Variants in TMEM120A observed in about 807,000 individuals in gnomAD.
TMEM120A encodes transmembrane protein 120A.
TMEM120A carries 45 observed loss-of-function variants against 54.3 expected under a neutral mutation model. The ratio of observed to expected loss-of-function variants is 0.83; its 90% CI spans 0.65 to 1.06. The LOEUF is 1.06. Ranked by LOEUF, TMEM120A falls within the 50% of genes least tolerant of loss-of-function variation. The pLI, the probability that TMEM120A is intolerant of heterozygous loss-of-function variation, is 0.00. For synonymous variants in TMEM120A, 204 were observed against 178.5 expected (o/e 1.14, Z -1.14); for missense variants, 424 against 441.7 (o/e 0.96, Z 0.36).
chr7:75,989,658 C>T (rs2116664785), intron 3 of TMEM120A, among the ~76,000 whole-genome samples: 1 of 152,062 alleles, frequency 6.6e-6, no homozygotes, highest in South Asian at 2.1e-4. Context: ...ACACGCCTGG[C>T]CACATCTAGG....
chr7:75,987,855 G>A (rs781942881), intron 8 of TMEM120A, 45 bp from the exon 9 acceptor site: 2 of 1,601,656 alleles, frequency 1.2e-6, no homozygotes, highest in South Asian at 2.2e-5. Flanking sequence ...GCCCCGGGAG[G>A]GGTTCCCTGC....
At position 75,987,619 on chromosome 7, in the gene TMEM120A, C is replaced by CA; in HGVS notation, c.785-18dup. On this transcript the variant is annotated splice_polypyrimidine_tract_variant and intron_variant, in intron 9 of 11. Coordinates refer to ENST00000493111, the MANE Select transcript of TMEM120A (RefSeq NM_031925.3). ...GGAAGCCCTCTGCGGGGAGGAAGGTCAGGGCACAGGACGGCCAGGGACAGA... is the reference window on the plus strand; with the variant it reads ...GGAAGCCCTCTGCGGGGAGGAAGGTCAAGGGCACAGGACGGCCAGGGACAGA... 6.2e-7 allele frequency: 1 copy of CA among 1,606,928 alleles called. No homozygotes were observed. The highest frequency in any genetic ancestry group is 8.5e-7 in the Non-Finnish European group (1 of 1,177,346).
Position 75,992,171 on chromosome 7 carries a change from A to G in TMEM120A, c.290T>C (p.Met97Thr). ...MKERQGLFFD[M>T]EAYLPKKNGL... is the part of the protein sequence containing the mutation. ...ATTCTTCTTAGGCAAATAGGCCTCCATGTCAAAGAAGAGGCCTTGGCGCTC... is the reference window on the plus strand; with the variant it reads ...ATTCTTCTTAGGCAAATAGGCCTCCGTGTCAAAGAAGAGGCCTTGGCGCTC... The change falls in exon 3 of 12, where the codon ATG becomes ACG. Residue 97 changes from methionine to threonine, a missense_variant. By Grantham distance (81) the Met-to-Thr change is moderately conservative (BLOSUM62 -1). Transcript: ENST00000493111. 6.2e-7 allele frequency: 1 copy of G among 1,609,832 alleles called. No homozygotes were observed. Among genetic ancestry groups the G allele is most frequent in the Non-Finnish European group, 8.5e-7 (1 of 1,177,694 alleles).
chr7:75,991,707 T>C (rs1789850060), intron 3 of TMEM120A, among the ~76,000 whole-genome samples: 2 of 152,088 alleles, frequency 1.3e-5, no homozygotes, highest in African/African-American at 4.8e-5. Context: ...CCCAGCCTAT[T>C]TGTTCTTTTT....
rs956956954 is a variant in TMEM120A, at chr7:75,994,370, G to A, written c.81+120C>T. 2.4e-5 allele frequency: 21 copies of A among 867,880 alleles called. No individual in the cohort carries two copies. The African/African-American group carries it at 2.5e-4, about 10-fold the overall frequency. The allele number at this position is 867,880 out of a possible 1,614,324, so 53.8% of individuals were successfully genotyped here. The stretch of plus-strand genomic sequence containing the variant: ...GGGCCTCGCCCCCCTTGGCAGTGAC[G>A]CCAGGGCCCCGACCCCTGACCCTTA... On this transcript the variant is annotated intron_variant, in intron 1 of 11. Transcript: ENST00000493111.
chr7:75,992,615 C>T, intron 1 of TMEM120A, 58 bp from the exon 2 acceptor site: 7 of 1,340,390 alleles, frequency 5.2e-6, no homozygotes, highest in Non-Finnish European at 7.2e-6. Context: ...CCAGAGCCTG[C>T]AGGCAGGACG....
intron 1 of TMEM120A, 83 bp from the exon 2 acceptor site, chr7:75,992,640 C>T (rs78439199): frequency 0.012 from 12,081 of 1,011,914 alleles, 109 homozygotes; most frequent in Non-Finnish European, 0.014. Flanking sequence ...GCTCAGGCTC[C>T]CCCAGGGCTG....
At chr7:75,994,405 T>G in intron 1 of TMEM120A, 85 bp downstream of exon 1, 1 of 1,295,622 alleles carries the variant, frequency 7.7e-7, no homozygotes, top group Non-Finnish European at 1.1e-6. Flanking sequence ...AGCTCCCCAC[T>G]GCCTGACCCA....
chr7:75,987,474 G>A (rs1789568897), intron 10 of TMEM120A, 46 bp from the exon 11 acceptor site: 3 of 1,558,468 alleles, frequency 1.9e-6, no homozygotes, highest in Non-Finnish European at 2.6e-6. Context: ...AGTCCCTGCT[G>A]GAGCCCGAAA....
intron 3 of TMEM120A, among the ~76,000 whole-genome samples, chr7:75,989,758 G>A (rs553005480): frequency 2.3e-4 from 35 of 151,798 alleles, no homozygotes; most frequent in African/African-American, 8.5e-4. Context: ...TTCCCACCAC[G>A]ACCCCCCTTG....
chr7:75,994,187 G>A (rs550158175), intron 1 of TMEM120A, among the ~76,000 whole-genome samples: 14 of 152,350 alleles, frequency 9.2e-5, no homozygotes, highest in East Asian at 3.9e-4. Flanking sequence ...GGGCCCGCCC[G>A]TGTGTGACTC....
intron 2 of TMEM120A, 33 bp from the exon 3 acceptor site, chr7:75,992,293 A>T: frequency 6.3e-7 from 1 of 1,578,374 alleles, no homozygotes; most frequent in Non-Finnish European, 8.6e-7. Context: ...TCAGGGCAAG[A>T]GGACTCCCAA....
Position 75,994,506 on chromosome 7 carries a change from T to C in TMEM120A, c.65A>G (p.Asp22Gly). 6.4e-7 allele frequency: 1 copy of C among 1,567,892 alleles called. No homozygotes were observed. The highest frequency in any genetic ancestry group is 8.6e-7 in the Non-Finnish European group (1 of 1,157,574). The change falls in exon 1 of 12, where the codon GAC becomes GGC. Residue 22 changes from aspartate to glycine, a missense_variant. Coordinates refer to ENST00000493111, the MANE Select transcript of TMEM120A (RefSeq NM_031925.3). ...CLRDWEDLQQDFQNIQETHRL... is the reference protein window; with the variant it reads ...CLRDWEDLQQGFQNIQETHRL... ...GGCGCTAACCTGGATGTTCTGGAAG[T>C]CCTGCTGTAGATCCTCCCAGTCCCG... is the stretch of plus-strand genomic sequence containing the variant.
Position 75,992,470 on chromosome 7 carries a change from GCTT to G in TMEM120A, c.166_168del (p.Lys56del), listed in dbSNP as rs1554562072. On this transcript the variant is annotated inframe_deletion, in exon 2 of 12. Coordinates refer to ENST00000493111, the MANE Select transcript of TMEM120A (RefSeq NM_031925.3). ...AGGGCGAGGGCCAGCTCCTGGAGCC[GCTT>G]CTTCTGCCGCGTGATGGAGCTGGTG... 3.8e-6 allele frequency: 6 copies of G among 1,596,666 alleles called. No homozygotes were observed. In the African/African-American group the frequency reaches 4.0e-5, roughly 11 times the overall value.
Position 75,988,313 on chromosome 7 carries a change from G to A in TMEM120A, c.502C>T (p.Leu168=), listed in dbSNP as rs782668254. 3 of 1,611,862 alleles carry A rather than the reference G, an allele frequency of 1.9e-6. No individual in the cohort carries two copies. Among genetic ancestry groups the A allele is most frequent in the African/African-American group, 1.3e-5 (1 of 74,878 alleles). The change falls in exon 6 of 12, where the codon CTG becomes TTG. Residue 168 remains leucine (L), a synonymous_variant. Transcript: ENST00000493111. ...GTCAGGGTGCAGTAGTACCAGACCA[G>A]CAGGAAGTTGAAGGCAGCATCTGTC... The part of the protein sequence containing the change: ...RVTDAAFNFL[L]VWYYCTLTIR...
In TMEM120A at chr7:75,992,636, G is replaced by T. The variant is rs1470137093; in HGVS notation, c.82-79C>A. ...CCTGCAGGCAGGACGTGGCGCTCAG[G>T]CTCCCCCAGGGCTGCTGGGAGGGTT... On this transcript the variant is annotated intron_variant, in intron 1 of 11. Transcript: ENST00000493111. The T allele has an allele frequency of 5.7e-6, 6 of 1,061,398 alleles. No individual in the cohort carries two copies. In the African/African-American group the frequency reaches 6.3e-5, roughly 11 times the overall value. The allele number at this position is 1,061,398 out of a possible 1,614,324, so 65.7% of individuals were successfully genotyped here.
Position 75,992,266 on chromosome 7 carries a change from G to A in TMEM120A, c.201-6C>T. 1 of 1,600,906 alleles carries A rather than the reference G, an allele frequency of 6.2e-7. No individual in the cohort carries two copies. Among genetic ancestry groups the A allele is most frequent in the East Asian group, 2.2e-5 (1 of 44,634 alleles). ...CTGGGAGGGAGGGTTTGCATCTGCGGGTAAGGCCAGAAACAGTCAGGGCAA... is the reference window on the plus strand; with the variant it reads ...CTGGGAGGGAGGGTTTGCATCTGCGAGTAAGGCCAGAAACAGTCAGGGCAA... On this transcript the variant is annotated splice_region_variant and splice_polypyrimidine_tract_variant and intron_variant, in intron 2 of 11. Transcript: ENST00000493111.
At chr7:75,991,120 T>A (rs1585145217) in intron 3 of TMEM120A, among the ~76,000 whole-genome samples, 3 of 152,022 alleles carry the variant, frequency 2.0e-5, no homozygotes, top group African/African-American at 7.2e-5. Flanking sequence ...CTCCCAGCTA[T>A]CTCCCTGCCT....
Position 75,988,259 on chromosome 7 carries a change from C to G in TMEM120A, c.556G>C (p.Gly186Arg), listed in dbSNP as rs782345420. Reference sequence around the variant, plus strand: ...AGGGCCCGCCCTGCCCACCGGGAGCCGTTGTTGATGAGGATGCTCTCCCGG... The same window carrying G: ...AGGGCCCGCCCTGCCCACCGGGAGCGGTTGTTGATGAGGATGCTCTCCCGG... The part of the protein sequence containing the change: ...TIRESILINN[G>R]SRIKGWWVFH... Residue 186 changes from glycine (G) to arginine (R), a missense_variant, in exon 6 of 12, where the codon GGC becomes CGC. Physicochemically the swap from Gly to Arg is moderately radical, Grantham distance 125. Coordinates refer to ENST00000493111, the MANE Select transcript of TMEM120A (RefSeq NM_031925.3). The G allele has an allele frequency of 6.2e-7, 1 of 1,611,990 alleles. No homozygotes were observed. The highest frequency in any genetic ancestry group is 1.3e-5 in the African/African-American group (1 of 74,914).
Sources: gnomAD v4.1 joint callset for allele counts (sites outside exome capture counted in the v4.1 genomes callset) on GRCh38, gnomAD v4.1.1 for gene constraint, MANE v1.5 for transcripts, NCBI Gene and HGNC (gene_info 2026-07-23, HGNC 2026-07-21) for gene names.